The following PUS10 variants were observed in gnomAD, a reference collection of about 807,000 sequenced individuals.
The protein encoded by PUS10 is pseudouridine synthase 10, also known as tRNA pseudouridine synthase Pus10.
Under a neutral mutation model 75.0 loss-of-function variants are expected in PUS10, and 59 were observed. That is an observed-to-expected ratio of 0.79 (90% CI 0.64 to 0.98). PUS10 has a LOEUF of 0.98. Among genes scored for constraint, PUS10 ranks in the 50% least tolerant of loss-of-function variants. PUS10 has a pLI of 0.00. For synonymous variants in PUS10, 219 were observed against 211.6 expected (o/e 1.03, Z -0.30); for missense variants, 650 against 614.4 (o/e 1.06, Z -0.61).
chr2:60,962,872 C>A lies in PUS10; in HGVS notation c.742G>T (p.Ala248Ser). Reference protein sequence around the residue: ...KNKQSVFTRMAVMKALNKIKE... With the variant: ...KNKQSVFTRMSVMKALNKIKE... ...ATCTTATTCAAGGCTTTCATAACTG[C>A]CATTCTAGTGAATACAGACTATATA... is the stretch of plus-strand genomic sequence containing the variant. The change falls in exon 9 of 18, where the codon GCA (alanine) becomes TCA (serine). Residue 248 changes from alanine to serine, a missense_variant. Physicochemically the swap from Ala to Ser is moderately conservative, Grantham distance 99 (BLOSUM62 1). Transcript: ENST00000316752. 1 of 1,568,696 alleles carries A rather than the reference C, an allele frequency of 6.4e-7. No individual in the cohort carries two copies. Among genetic ancestry groups the A allele is most frequent in the Non-Finnish European group, 8.6e-7 (1 of 1,163,902 alleles).
chr2:61,003,567 C>G (rs1374692380), intron 4 of PUS10, among the ~76,000 whole-genome samples: 1 of 146,866 alleles, frequency 6.8e-6, no homozygotes, highest in Non-Finnish European at 1.5e-5. Flanking sequence ...TTTTTTGAGA[C>G]AGGGTCTTGC....
At chr2:60,944,898 C>T in intron 17 of PUS10, 111 bp downstream of exon 17, 1 of 727,360 alleles carries the variant, frequency 1.4e-6, no homozygotes, top group Admixed American at 2.2e-5. Flanking sequence ...AGATTTTCAC[C>T]ATTCTCAAAT....
At position 60,960,459 on chromosome 2, in the gene PUS10, T is replaced by C; in HGVS notation, c.933A>G (p.Glu311=). 6.3e-7 allele frequency: 1 copy of C among 1,576,652 alleles called. No individual in the cohort carries two copies. Among genetic ancestry groups the C allele is most frequent in the Non-Finnish European group, 8.6e-7 (1 of 1,166,370 alleles). The stretch of plus-strand genomic sequence containing the variant: ...CTTCCACTGAAGATTCCAGCTTCCT[T>C]TCTCCATCAATTATCCAAGGAGTTT... ...LPQTPWIIDG[E]RKLESSVEEL... is the part of the protein sequence containing the mutation. Residue 311 remains glutamate, a synonymous_variant, in exon 11 of 18, where the codon GAA becomes GAG. Transcript: ENST00000316752.
intron 4 of PUS10, among the ~76,000 whole-genome samples, chr2:60,995,194 A>G (rs1054897858): frequency 6.6e-6 from 1 of 152,206 alleles, no homozygotes; most frequent in Middle Eastern, 3.2e-3. Flanking sequence ...CATCTGTAAA[A>G]TGGAGATGAT....
At chr2:60,947,334 T>C (rs1164944306) in intron 16 of PUS10, among the ~76,000 whole-genome samples, 3 of 152,202 alleles carry the variant, frequency 2.0e-5, no homozygotes, top group Admixed American at 6.5e-5. Flanking sequence ...TGTTTAATCA[T>C]CTGAGGCAAA....
chr2:61,012,834 C>CAAAAAAAAA (rs70959885), intron 1 of PUS10, among the ~76,000 whole-genome samples: 2 of 30,168 alleles, frequency 6.6e-5, no homozygotes, highest in Non-Finnish European at 9.9e-5. Context: ...AACTCCGTCT[C>CAAAAAAAAA]AAAAAAAAAA....
Position 60,953,022 on chromosome 2 carries a change from T to A in PUS10, c.1283A>T (p.Asp428Val), listed in dbSNP as rs758786401. 8 of 1,578,240 alleles carry A rather than the reference T, an allele frequency of 5.1e-6. No homozygotes were observed. Among genetic ancestry groups the A allele is most frequent in the Non-Finnish European group, 7.0e-6 (8 of 1,147,828 alleles). ...CTTTATGTCATTTAGGAATTCAATG[T>A]CTTTCTTCTGTATCGCTTTATTTGT... Reference protein sequence around the residue: ...IWTNKAIQKKDIEFLNDIKDL... With the variant: ...IWTNKAIQKKVIEFLNDIKDL... Residue 428 changes from aspartate (D) to valine (V), a missense_variant, in exon 15 of 18, where the codon GAC becomes GTC. Physicochemically the swap from Asp to Val is radical, Grantham distance 152. Coordinates refer to ENST00000316752, the MANE Select transcript of PUS10 (RefSeq NM_144709.4).
At chr2:61,017,771 G>T (rs1160074188) in intron 1 of PUS10, 2 of 1,549,618 alleles carry the variant, frequency 1.3e-6, no homozygotes, top group Non-Finnish European at 1.7e-6. Context: ...TGGCGTCCCA[G>T]CCGCCACCTC....
At chr2:60,962,292 C>G (rs943972906) in intron 9 of PUS10, among the ~76,000 whole-genome samples, 1 of 152,232 alleles carries the variant, frequency 6.6e-6, no homozygotes, top group Non-Finnish European at 1.5e-5. Context: ...CTTGATTCGG[C>G]CGGGCACGGT....
At chr2:60,994,099 T>G (rs1351194863) in intron 4 of PUS10, among the ~76,000 whole-genome samples, 1 of 151,866 alleles carries the variant, frequency 6.6e-6, no homozygotes, top group African/African-American at 2.4e-5. Flanking sequence ...AGATCGACAC[T>G]TCGTAACTGA....
At position 60,961,437 on chromosome 2, in the gene PUS10, T is replaced by C. The variant is rs184014620; in HGVS notation, c.874+26A>G. 29 of 1,545,928 alleles carry C rather than the reference T, an allele frequency of 1.9e-5. No homozygotes were observed. The African/African-American group carries it at 2.2e-4, about 12-fold the overall frequency. On this transcript the variant is annotated intron_variant, in intron 10 of 17. Transcript: ENST00000316752. ...GAAAGGAGAGTACGTTCACAGTGTA[T>C]GTATATTCTAGACTAAATATTTTAC...
intron 4 of PUS10, among the ~76,000 whole-genome samples, chr2:60,975,769 T>A (rs868158615): frequency 2.0e-5 from 3 of 151,810 alleles, no homozygotes; most frequent in African/African-American, 7.3e-5. Context: ...TTGTTTTTTT[T>A]CTTTTATTTT....
chr2:60,981,216 C>A (rs1677370139), intron 4 of PUS10, among the ~76,000 whole-genome samples: 1 of 151,316 alleles, frequency 6.6e-6, no homozygotes, highest in Non-Finnish European at 1.5e-5. Flanking sequence ...TTTTAAGAAC[C>A]TCAAGTAGCT....
In PUS10 at chr2:60,965,119, A is replaced by G; in HGVS notation, c.678-16T>C. 1 of 1,609,276 alleles carries G rather than the reference A, an allele frequency of 6.2e-7. No individual in the cohort carries two copies. The highest frequency in any genetic ancestry group is 2.2e-5 in the East Asian group (1 of 44,832). On this transcript the variant is annotated splice_polypyrimidine_tract_variant and intron_variant, in intron 7 of 17. Coordinates refer to ENST00000316752, the MANE Select transcript of PUS10 (RefSeq NM_144709.4). ...TATCGCAGCTCTAAAATAAAATTCA[A>G]GTTAATATAAAAGGTTAATGAGTTT... is the stretch of plus-strand genomic sequence containing the variant.
intron 2 of PUS10, among the ~76,000 whole-genome samples, chr2:61,011,440 C>A (rs1380220542): frequency 6.6e-6 from 1 of 152,106 alleles, no homozygotes; most frequent in South Asian, 2.1e-4. Flanking sequence ...GGAATATTAG[C>A]CCCTCCTGGG....
chr2:60,953,758 G>A (rs1266652285), intron 14 of PUS10, among the ~76,000 whole-genome samples, 175 bp downstream of exon 14: 3 of 152,118 alleles, frequency 2.0e-5, no homozygotes, highest in African/African-American at 7.2e-5. Context: ...TTTTTCATAT[G>A]TTAATTGGCT....
intron 9 of PUS10, among the ~76,000 whole-genome samples, chr2:60,961,778 T>C (rs992906635): frequency 6.6e-6 from 1 of 152,216 alleles, no homozygotes; most frequent in Non-Finnish European, 1.5e-5. Context: ...GGAGGACTTA[T>C]CTTCCGAGGC....
At chr2:61,011,735 T>TG in intron 2 of PUS10, 30 bp downstream of exon 2, 3 of 1,324,036 alleles carry the variant, frequency 2.3e-6, no homozygotes, top group Non-Finnish European at 3.0e-6. Flanking sequence ...TCTCTTAATT[T>TG]GAAAAAAAAA....
intron 1 of PUS10, among the ~76,000 whole-genome samples, chr2:61,013,438 C>T (rs1280808260): frequency 6.6e-6 from 1 of 152,166 alleles, no homozygotes; most frequent in Non-Finnish European, 1.5e-5. Flanking sequence ...AGTTGATTAC[C>T]TTTTTGTTCA....
Sources: allele counts gnomAD v4.1 joint callset (sites outside exome capture counted in the v4.1 genomes callset), GRCh38; gene constraint gnomAD v4.1.1; transcripts MANE v1.5; gene names NCBI Gene and HGNC (gene_info 2026-07-23, HGNC 2026-07-21).